The following TENM1 variants were observed in gnomAD, a reference collection of about 807,000 sequenced individuals.
TENM1 encodes the protein teneurin transmembrane protein 1, also known as teneurin-1.
Under a neutral mutation model 174.8 loss-of-function variants are expected in TENM1, and 35 were observed. The observed-to-expected ratio is 0.20, with a 90% CI of 0.15 to 0.27. TENM1 has a LOEUF of 0.27. Ranked by LOEUF, TENM1 falls within the 10% of genes least tolerant of loss-of-function variation. The pLI, the probability that TENM1 is intolerant of heterozygous loss-of-function variation, is 1.00. For synonymous variants in TENM1, 781 were observed against 798.7 expected (o/e 0.98, Z 0.37); for missense variants, 1,633 against 2,130.1 (o/e 0.77, Z 4.59).
chrX:124,717,842 C>G (rs1338969480), intron 4 of TENM1, among the ~76,000 whole-genome samples: 1 of 112,185 alleles, frequency 8.9e-6, no homozygotes, highest in Non-Finnish European at 1.9e-5. Context: ...ATCCCCATTC[C>G]ACAGACATCT....
intron 11 of TENM1, among the ~76,000 whole-genome samples, chrX:124,636,980 C>T (rs1469820200): frequency 8.9e-6 from 1 of 111,769 alleles, no homozygotes; most frequent in Non-Finnish European, 1.9e-5. Context: ...GTAGTGTTAC[C>T]ATTCATATAG....
intron 3 of TENM1, among the ~76,000 whole-genome samples, chrX:124,792,915 A>T (rs1300009908): frequency 2.7e-5 from 3 of 112,322 alleles, no homozygotes; most frequent in Non-Finnish European, 5.6e-5. Flanking sequence ...TTGAAAATAG[A>T]CTAATTTCTA....
intron 1 of TENM1, among the ~76,000 whole-genome samples, chrX:124,907,681 G>A (rs2057771674): frequency 8.9e-6 from 1 of 111,747 alleles, no homozygotes; most frequent in Non-Finnish European, 1.9e-5. Context: ...AACAATAAGA[G>A]GTTGATAATG....
intron 23 of TENM1, among the ~76,000 whole-genome samples, chrX:124,451,009 T>C (rs1220374607): frequency 8.9e-6 from 1 of 112,235 alleles, no homozygotes; most frequent in East Asian, 2.8e-4. Context: ...ACATCCACTT[T>C]AGTGTTTTTG....
chrX:125,047,174 T>C, the TENM1 span, among the ~76,000 whole-genome samples: 11 of 111,509 alleles, frequency 9.9e-5, no homozygotes, highest in African/African-American at 3.6e-4. Flanking sequence ...TTTGGAATTA[T>C]GTAAAATAAA....
the TENM1 span, among the ~76,000 whole-genome samples, chrX:125,199,703 T>C: frequency 8.9e-6 from 1 of 111,925 alleles, no homozygotes; most frequent in Non-Finnish European, 1.9e-5. Flanking sequence ...AAAAATCTAA[T>C]AGACTTCATT....
the TENM1 span, among the ~76,000 whole-genome samples, chrX:125,153,807 G>C: frequency 2.0e-4 from 22 of 112,259 alleles, no homozygotes; most frequent in African/African-American, 6.8e-4. Context: ...GATGAATAAT[G>C]CACACACACG....
intron 22 of TENM1, among the ~76,000 whole-genome samples, chrX:124,461,987 A>AAT (rs749906230): frequency 2.7e-5 from 3 of 111,456 alleles, no homozygotes; most frequent in Non-Finnish European, 5.7e-5. Context: ...ATAGCTCCCA[A>AAT]ATATATATAT....
chrX:124,562,069 A>C (rs886612345), intron 13 of TENM1, among the ~76,000 whole-genome samples: 3 of 112,242 alleles, frequency 2.7e-5, no homozygotes, highest in African/African-American at 9.7e-5. Flanking sequence ...CCCCTGGTTC[A>C]TATAGGAAGA....
In TENM1 at chrX:124,924,620, C is replaced by T. The variant is rs372258488; in HGVS notation, c.218-28379G>A. The stretch of plus-strand genomic sequence containing the variant: ...CCAGGGACCATGACATTTTGTTATG[C>T]AAACCAATGAACAATTTCATAGTGT... On this transcript the variant is annotated intron_variant, in intron 1 of 31. Transcript: ENST00000422452. Among the ~76,000 whole-genome samples, 82 of 111,857 alleles carry T rather than the reference C, an allele frequency of 7.3e-4. No homozygotes were observed. In the South Asian group the frequency reaches 0.03, roughly 40 times the overall value.
intron 3 of TENM1, among the ~76,000 whole-genome samples, chrX:124,825,299 G>A (rs765966470): frequency 4.8e-4 from 50 of 103,604 alleles, no homozygotes; most frequent in African/African-American, 1.6e-3. Flanking sequence ...GATTACAGGC[G>A]CCCAGCACCA....
At chrX:124,490,643 A>G (rs1394176005) in intron 20 of TENM1, among the ~76,000 whole-genome samples, 2 of 112,510 alleles carry the variant, frequency 1.8e-5, no homozygotes, top group Non-Finnish European at 3.8e-5. Context: ...CAAGATACCA[A>G]GAAGCATTTG....
chrX:125,111,016 G>C, the TENM1 span, among the ~76,000 whole-genome samples: 1 of 111,920 alleles, frequency 8.9e-6, no homozygotes, highest in Non-Finnish European at 1.9e-5. Flanking sequence ...AAATAGTTCT[G>C]GGCACATGGT....
At chrX:124,809,693 T>C (rs2055706719) in intron 3 of TENM1, among the ~76,000 whole-genome samples, 1 of 110,823 alleles carries the variant, frequency 9.0e-6, no homozygotes, top group South Asian at 3.9e-4. Context: ...CACGCTGCTA[T>C]AAAGACATAC....
rs189225392 is a variant in TENM1, at chrX:124,548,196, T to C, written c.2435-1106A>G. Among the ~76,000 whole-genome samples the C allele has an allele frequency of 1.3e-3, 148 of 111,954 alleles. 1 individual carries two copies. Among genetic ancestry groups the C allele is most frequent in the African/African-American group, 4.6e-3 (142 of 30,828 alleles). On this transcript the variant is annotated intron_variant, in intron 14 of 31. Coordinates refer to ENST00000422452, the Ensembl canonical transcript of TENM1. Reference sequence around the variant, plus strand: ...CGATGACTTTCTCTGTTTCATTTTCTGGCCCTTCACCATTTGCTGTAGACT... The same window carrying C: ...CGATGACTTTCTCTGTTTCATTTTCCGGCCCTTCACCATTTGCTGTAGACT...
chrX:125,094,545 T>C, the TENM1 span, among the ~76,000 whole-genome samples: 1 of 112,103 alleles, frequency 8.9e-6, no homozygotes, highest in Non-Finnish European at 1.9e-5. Context: ...ATTTTGTTTT[T>C]ATTTGTTTGT....
chrX:124,925,347 G>A (rs2058077918), intron 1 of TENM1, among the ~76,000 whole-genome samples: 1 of 110,884 alleles, frequency 9.0e-6, no homozygotes, highest in Non-Finnish European at 1.9e-5. Context: ...GTGAATTATA[G>A]ACTTAACTAA....
chrX:124,630,484 A>AG (rs2050732024), intron 11 of TENM1, among the ~76,000 whole-genome samples: 1 of 112,248 alleles, frequency 8.9e-6, no homozygotes, highest in Non-Finnish European at 1.9e-5. Context: ...ACTGGAACTT[A>AG]AGTTGTTTTA....
At chrX:124,414,652 T>C (rs935405170) in intron 25 of TENM1, among the ~76,000 whole-genome samples, 2 of 111,458 alleles carry the variant, frequency 1.8e-5, no homozygotes, top group Non-Finnish European at 3.8e-5. Flanking sequence ...AATGGAATTA[T>C]GAAAATTAGT....
Sources: allele counts gnomAD v4.1 joint callset (sites outside exome capture counted in the v4.1 genomes callset), GRCh38; gene constraint gnomAD v4.1.1; transcripts MANE v1.5; gene names NCBI Gene and HGNC (gene_info 2026-07-23, HGNC 2026-07-21).